The following NBEA variants were observed in gnomAD, a reference collection of about 807,000 sequenced individuals.
The protein encoded by NBEA is lysosomal-trafficking regulator 2.
Under a neutral mutation model 343.4 loss-of-function variants are expected in NBEA, and 44 were observed. The ratio of observed to expected loss-of-function variants is 0.13; its 90% CI spans 0.10 to 0.16. The LOEUF is 0.16. Among genes scored for constraint, NBEA ranks in the 10% least tolerant of loss-of-function variants. The pLI is 1.00. For synonymous variants in NBEA, 1,175 were observed against 1,238.7 expected (o/e 0.95, Z 1.08); for missense variants, 2,555 against 3,631.3 (o/e 0.70, Z 7.62).
intron 54 of NBEA, 51 bp from the exon 55 acceptor site, chr13:35,655,528 C>A: frequency 1.3e-6 from 2 of 1,532,004 alleles, no homozygotes; most frequent in South Asian, 1.2e-5. Flanking sequence ...CACTTATTAC[C>A]ATTTGAAGAA....
intron 31 of NBEA, among the ~76,000 whole-genome samples, chr13:35,205,615 A>G (rs1393427900): frequency 1.3e-5 from 2 of 152,110 alleles, no homozygotes; most frequent in African/African-American, 4.8e-5. Context: ...TATAGTGCCT[A>G]AAACTACACG....
chr13:35,195,057 G>T (rs572732768), intron 30 of NBEA, among the ~76,000 whole-genome samples: 1 of 151,890 alleles, frequency 6.6e-6, no homozygotes, highest in South Asian at 2.1e-4. Flanking sequence ...AGAATTTTAC[G>T]TATTGTAATT....
At chr13:35,085,197 A>C (rs1438998659) in intron 10 of NBEA, among the ~76,000 whole-genome samples, 3 of 152,018 alleles carry the variant, frequency 2.0e-5, no homozygotes, top group African/African-American at 7.2e-5. Context: ...TATTCCAATC[A>C]ATAGAAAAAG....
chr13:35,565,244 A>G (rs1182417529), intron 44 of NBEA, among the ~76,000 whole-genome samples: 1 of 152,214 alleles, frequency 6.6e-6, no homozygotes, highest in African/African-American at 2.4e-5. Context: ...AGCAATATGC[A>G]GTTTAGTTGT....
chr13:35,021,945 A>T (rs1364199782), intron 1 of NBEA, among the ~76,000 whole-genome samples: 2 of 152,094 alleles, frequency 1.3e-5, no homozygotes, highest in Non-Finnish European at 2.9e-5. Flanking sequence ...GTGGATTTAA[A>T]ATTTCTGTAT....
intron 13 of NBEA, among the ~76,000 whole-genome samples, chr13:35,116,940 GA>G: frequency 6.6e-6 from 1 of 151,898 alleles, no homozygotes; most frequent in Non-Finnish European, 1.5e-5. Flanking sequence ...AAGTGACATA[GA>G]AGAAATAGGC....
At chr13:35,633,524 T>G (rs1465533877) in intron 49 of NBEA, among the ~76,000 whole-genome samples, 1 of 151,748 alleles carries the variant, frequency 6.6e-6, no homozygotes, top group Non-Finnish European at 1.5e-5. Context: ...TATGATTATA[T>G]TGTATGCCAT....
At chr13:35,315,147 A>T (rs1008716669) in intron 36 of NBEA, among the ~76,000 whole-genome samples, 3 of 152,222 alleles carry the variant, frequency 2.0e-5, no homozygotes, top group Non-Finnish European at 2.9e-5. Context: ...TTGTTAGAAT[A>T]TCAGTCTTTA....
At chr13:35,456,620 A>C (rs1326978274) in intron 40 of NBEA, among the ~76,000 whole-genome samples, 1 of 152,046 alleles carries the variant, frequency 6.6e-6, no homozygotes, top group Non-Finnish European at 1.5e-5. Flanking sequence ...GTTTCTTCAA[A>C]TAACTATTGA....
At chr13:35,182,126 T>G (rs1269246204) in intron 28 of NBEA, among the ~76,000 whole-genome samples, 1 of 151,638 alleles carries the variant, frequency 6.6e-6, no homozygotes, top group Non-Finnish European at 1.5e-5. Context: ...AATAAAATTT[T>G]AATATTCTAG....
At chr13:35,050,580 T>C (rs183265060) in intron 6 of NBEA, among the ~76,000 whole-genome samples, 185 bp downstream of exon 6, 40 of 152,140 alleles carry the variant, frequency 2.6e-4, no homozygotes, top group African/African-American at 9.1e-4. Flanking sequence ...ATCAGTGTTT[T>C]GATATCTTGT....
intron 1 of NBEA, among the ~76,000 whole-genome samples, chr13:34,998,660 A>G (rs1054563054): frequency 2.0e-5 from 3 of 152,198 alleles, no homozygotes; most frequent in African/African-American, 7.2e-5. Flanking sequence ...TGCCCAGCTC[A>G]CCGGCAGTCA....
At chr13:35,526,814 G>A (rs2077997161) in intron 41 of NBEA, among the ~76,000 whole-genome samples, 1 of 152,172 alleles carries the variant, frequency 6.6e-6, no homozygotes, top group South Asian at 2.1e-4. Flanking sequence ...AGGGCAGGCA[G>A]CTCCAGGCAC....
chr13:35,108,468 G>A (rs977808838), intron 11 of NBEA, among the ~76,000 whole-genome samples: 1 of 151,818 alleles, frequency 6.6e-6, no homozygotes, highest in African/African-American at 2.4e-5. Context: ...AATACAGGTG[G>A]TATTAATTTT....
chr13:35,253,056 T>G (rs1442599142), intron 34 of NBEA, among the ~76,000 whole-genome samples: 1 of 152,152 alleles, frequency 6.6e-6, no homozygotes, highest in Admixed American at 6.5e-5. Flanking sequence ...GCTCACTCAT[T>G]CACAGACTGC....
At chr13:35,251,635 G>A (rs1197820383) in intron 34 of NBEA, 5 of 1,060,372 alleles carry the variant, frequency 4.7e-6, no homozygotes, top group Non-Finnish European at 6.1e-6. Flanking sequence ...CAGATTTGAG[G>A]TGGAAAAGGA....
At chr13:35,638,218 A>C (rs2083785773) in intron 49 of NBEA, among the ~76,000 whole-genome samples, 1 of 152,202 alleles carries the variant, frequency 6.6e-6, no homozygotes. Context: ...AACACTACTG[A>C]ACTGTACTCT....
At chr13:34,990,232 A>G (rs1317482792) in intron 1 of NBEA, among the ~76,000 whole-genome samples, 1 of 149,882 alleles carries the variant, frequency 6.7e-6, no homozygotes, top group Non-Finnish European at 1.5e-5. Context: ...CCCAGTGGGG[A>G]CTCTTTGTGG....
chr13:35,059,618 G>GT (rs201381128), intron 8 of NBEA, among the ~76,000 whole-genome samples: 14 of 151,832 alleles, frequency 9.2e-5, no homozygotes, highest in Admixed American at 4.6e-4. Context: ...TGGAAGTGTG[G>GT]TTTTTTATTG....
Sources: gnomAD v4.1 joint callset for allele counts (sites outside exome capture counted in the v4.1 genomes callset) on GRCh38, gnomAD v4.1.1 for gene constraint, MANE v1.5 for transcripts, NCBI Gene and HGNC (gene_info 2026-07-23, HGNC 2026-07-21) for gene names.